The following IL15RA variants were observed in gnomAD, a reference collection of about 807,000 sequenced individuals.
The protein encoded by IL15RA is interleukin-15 receptor subunit alpha.
IL15RA carries 26 observed loss-of-function variants against 24.2 expected under a neutral mutation model. The observed-to-expected ratio is 1.07, with a 90% CI of 0.79 to 1.49. The LOEUF (loss-of-function observed/expected upper bound fraction) is 1.49, where lower values mean the gene tolerates loss of function less well. Among genes scored for constraint, IL15RA ranks in the 40% most tolerant of loss-of-function variants. The probability of loss-of-function intolerance (pLI) is 0.00; values close to 1 mark genes in which losing one functional copy is unlikely to be tolerated. For missense variants in IL15RA, 354 were observed against 356.4 expected, an observed-to-expected ratio of 0.99 and a Z score of 0.05; for synonymous variants, 166 against 157.6, an observed-to-expected ratio of 1.05 and a Z score of -0.40.
Position 5,961,540 on chromosome 10 carries a change from G to A in IL15RA, c.383-973C>T, listed in dbSNP as rs1448932156. Among the ~76,000 whole-genome samples the A allele has an allele frequency of 1.3e-5, 2 of 152,250 alleles. No individual in the cohort carries two copies. The highest frequency in any genetic ancestry group is 6.5e-5 in the Admixed American group (1 of 15,290). ...GAAGCTGCGCTGGCCGAGGACGCTCGGAGCGGCTGCGTGTGAAACACGGGA... is the reference window on the plus strand; with the variant it reads ...GAAGCTGCGCTGGCCGAGGACGCTCAGAGCGGCTGCGTGTGAAACACGGGA... On this transcript the variant is annotated intron_variant, in intron 3 of 6. Transcript: ENST00000379977. The surrounding 1 kb of genome is among the most constrained non-coding windows in gnomAD (Gnocchi z 5.2).
At chr10:5,956,591 G>A in intron 5 of IL15RA, 137 bp from the exon 6 acceptor site, 3 of 676,656 alleles carry the variant, frequency 4.4e-6, no homozygotes, top group South Asian at 1.7e-5. Context: ...ATTTCTTAAG[G>A]TCCATGCAAT....
intron 5 of IL15RA, among the ~76,000 whole-genome samples, chr10:5,956,821 G>A (rs1564488192): frequency 2.0e-5 from 3 of 152,158 alleles, no homozygotes; most frequent in South Asian, 4.1e-4. Flanking sequence ...TAAAGCCAGG[G>A]TTGAAAAAGC....
chr10:5,957,009 G>C (rs1808541462), intron 5 of IL15RA, among the ~76,000 whole-genome samples: 1 of 146,982 alleles, frequency 6.8e-6, no homozygotes, highest in Admixed American at 6.9e-5. Flanking sequence ...ACCTAGACTG[G>C]AGTGCAGAGG....
At position 5,966,075 on chromosome 10, in the gene IL15RA, G is replaced by A. The variant is rs1836471856; in HGVS notation, c.283+70C>T. 9.1e-7 allele frequency: 1 copy of A among 1,102,916 alleles called. No individual in the cohort carries two copies. Among genetic ancestry groups the A allele is most frequent in the Non-Finnish European group, 1.4e-6 (1 of 737,610 alleles). The allele number at this position is 1,102,916 out of a possible 1,614,324, so 68.3% of individuals were successfully genotyped here. On this transcript the variant is annotated intron_variant, in intron 2 of 6. Transcript: ENST00000379977. This position sits in a 1 kb window ranked among gnomAD's most constrained non-coding sequence, Gnocchi z 6.4. Reference sequence around the variant, plus strand: ...GCACAGATCCCTTGACCCCTGAGATGGGGTCTTCTCTCTGTGCAGCCTTGG... The same window carrying A: ...GCACAGATCCCTTGACCCCTGAGATAGGGTCTTCTCTCTGTGCAGCCTTGG...
chr10:5,974,061 G>A (rs940934737), intron 1 of IL15RA, among the ~76,000 whole-genome samples: 32 of 151,724 alleles, frequency 2.1e-4, no homozygotes, highest in Middle Eastern at 3.4e-3. Context: ...GTGCAGTGGC[G>A]CGATCTCTGC....
Position 5,968,735 on chromosome 10 carries a change from G to A in IL15RA, c.89-2396C>T, listed in dbSNP as rs1459413643. 1.0e-5 allele frequency: 7 copies of A among 701,724 alleles called. No individual in the cohort carries two copies. Among genetic ancestry groups the A allele is most frequent in the Non-Finnish European group, 1.8e-5 (7 of 384,486 alleles). The allele number at this position is 701,724 out of a possible 1,614,324, so 43.5% of individuals were successfully genotyped here. A position where few individuals can be genotyped will look rare whatever the true frequency, so the allele number is the denominator to read the frequency against. ...CACAGAGTGTTATTTCTCCACACTT[G>A]CCCACCCCATCCTGCCCTCCATGAT... On this transcript the variant is annotated intron_variant, in intron 1 of 6. Coordinates refer to ENST00000379977, the MANE Select transcript of IL15RA (RefSeq NM_002189.4). The surrounding 1 kb of genome is among the most constrained non-coding windows in gnomAD (Gnocchi z 5.4).
rs979476731 is a variant in IL15RA, at chr10:5,953,378, C to A, written c.693-172G>T. 12 of 714,718 alleles carry A rather than the reference C, an allele frequency of 1.7e-5. No homozygotes were observed. The African/African-American group carries it at 2.1e-4, about 12-fold the overall frequency. 44.3% of individuals were successfully genotyped at this position (714,718 alleles called of 1,614,324 possible). ...CTTAGTCCTCAGAGATGGAGAGAACCTAGAATGCCTACCTCTACCGAGTGT... is the reference window on the plus strand; with the variant it reads ...CTTAGTCCTCAGAGATGGAGAGAACATAGAATGCCTACCTCTACCGAGTGT... On this transcript the variant is annotated intron_variant, in intron 6 of 6. Coordinates refer to ENST00000379977, the MANE Select transcript of IL15RA (RefSeq NM_002189.4). The surrounding 1 kb of genome is among the most constrained non-coding windows in gnomAD (Gnocchi z 5.3).
chr10:5,961,842 T>C lies in IL15RA; in HGVS notation c.383-1275A>G, dbSNP rs1835610097. Among the ~76,000 whole-genome samples, 1 of 152,242 alleles carries C rather than the reference T, an allele frequency of 6.6e-6. No homozygotes were observed. Among genetic ancestry groups the C allele is most frequent in the South Asian group, 2.1e-4 (1 of 4,836 alleles). On this transcript the variant is annotated intron_variant, in intron 3 of 6. Transcript: ENST00000379977. This position sits in a 1 kb window ranked among gnomAD's most constrained non-coding sequence, Gnocchi z 5.2. ...ACGCACTGTTGTTGCCGCGTTCCCA[T>C]GGTCTCCCAGCCACACAGGTCATGA...
rs1836178834 is a variant in IL15RA at position 5,964,590 on chromosome 10, A to C, written c.284-749T>G. On this transcript the variant is annotated intron_variant, in intron 2 of 6. Coordinates refer to ENST00000379977, the MANE Select transcript of IL15RA (RefSeq NM_002189.4). This position sits in a 1 kb window ranked among gnomAD's most constrained non-coding sequence, Gnocchi z 5.6. ...CCTTTGGGCTAGGTGAAACCTAAAGAGGCCTCCAGTCTTTGGACTCTAAAA... is the reference window on the plus strand; with the variant it reads ...CCTTTGGGCTAGGTGAAACCTAAAGCGGCCTCCAGTCTTTGGACTCTAAAA... Among the ~76,000 whole-genome samples the C allele has an allele frequency of 1.3e-5, 2 of 152,202 alleles. No individual in the cohort carries two copies. Among genetic ancestry groups the C allele is most frequent in the Admixed American group, 6.5e-5 (1 of 15,284 alleles).
In IL15RA at chr10:5,977,498, C is replaced by A; in HGVS notation, c.-6G>T. ...CGCGCCCGCCGCGGGGCCATGGCGG[C>A]AGCTCCACAGGACACCGCTGGACTC... On this transcript the variant is annotated 5_prime_UTR_variant, in exon 1 of 7. Transcript: ENST00000379977. The A allele has an allele frequency of 7.4e-7, 1 of 1,350,994 alleles. No homozygotes were observed. Among genetic ancestry groups the A allele is most frequent in the Non-Finnish European group, 9.5e-7 (1 of 1,053,124 alleles). 83.7% of individuals were successfully genotyped at this position (1,350,994 alleles called of 1,614,324 possible). A position where few individuals can be genotyped will look rare whatever the true frequency, so the allele number is the denominator to read the frequency against.
At chr10:5,977,302 GC>G in intron 1 of IL15RA, 102 bp downstream of exon 1, 2 of 479,396 alleles carry the variant, frequency 4.2e-6, no homozygotes, top group Non-Finnish European at 6.6e-6. Flanking sequence ...GGGCACCGAC[GC>G]CCCCGCACGG....
Position 5,968,622 on chromosome 10 carries a change from C to T in IL15RA, c.89-2283G>A, listed in dbSNP as rs1837022261. ...CAGAGCCCCACTGGCTTTGAGGCCT[C>T]TGGTGCTATCTGGTGCTGGAGTGTC... is the stretch of plus-strand genomic sequence containing the variant. On this transcript the variant is annotated intron_variant, in intron 1 of 6. Transcript: ENST00000379977. The surrounding 1 kb of genome is among the most constrained non-coding windows in gnomAD (Gnocchi z 5.4). 3.6e-5 allele frequency: 22 copies of T among 604,830 alleles called. No homozygotes were observed. The South Asian group carries it at 4.1e-4, about 11-fold the overall frequency. 37.5% of individuals were successfully genotyped at this position (604,830 alleles called of 1,614,324 possible). A position where few individuals can be genotyped will look rare whatever the true frequency, so the allele number is the denominator to read the frequency against.
In IL15RA at chr10:5,959,297, G is replaced by C. The variant is rs1256684392; in HGVS notation, c.616+457C>G. Among the ~76,000 whole-genome samples, 1 of 151,794 alleles carries C rather than the reference G, an allele frequency of 6.6e-6. No homozygotes were observed. Among genetic ancestry groups the C allele is most frequent in the Non-Finnish European group, 1.5e-5 (1 of 67,976 alleles). The stretch of plus-strand genomic sequence containing the variant: ...TGGGATTACAGGTGTGAGCCACCAT[G>C]CCTGGCCAAGAGTAGCATTTTATAC... On this transcript the variant is annotated intron_variant, in intron 5 of 6. Transcript: ENST00000379977. This position sits in a 1 kb window ranked among gnomAD's most constrained non-coding sequence, Gnocchi z 4.1.
In IL15RA at chr10:5,963,763, C is replaced by T; in HGVS notation, c.362G>A (p.Ser121Asn). 7 of 1,522,076 alleles carry T rather than the reference C, an allele frequency of 4.6e-6. No individual in the cohort carries two copies. Among genetic ancestry groups the T allele is most frequent in the Non-Finnish European group, 6.1e-6 (7 of 1,147,306 alleles). The allele number at this position is 1,522,076 out of a possible 1,614,324, so 94.3% of individuals were successfully genotyped here. The change falls in exon 3 of 7, where the codon AGC becomes AAC. Residue 121 changes from serine to asparagine, a missense_variant. By Grantham distance (46) the Ser-to-Asn change is conservative (BLOSUM62 1). Transcript: ENST00000379977. This position sits in a 1 kb window ranked among gnomAD's most constrained non-coding sequence, Gnocchi z 5.3. ...CCTACCTTTTCCAGAAGGGGAGAGG[C>T]TCTCTGGCTGTGGGGTCACCCCTGC... ...TTAGVTPQPE[S>N]LSPSGKEPAA...
downstream of IL15RA, among the ~76,000 whole-genome samples, chr10:5,951,158 AAAAAAAAAAAAAAAAT>A (rs1165481687): frequency 6.7e-6 from 1 of 148,594 alleles, no homozygotes; most frequent in African/African-American, 2.5e-5. Context: ...AAAAAAAAAA[AAAAAAAAAAAAAAAAT>A]ATTAGCCAGG....
Position 5,955,454 on chromosome 10 carries a change from A to G in IL15RA, c.692+925T>C, listed in dbSNP as rs1237578985. 2.0e-5 allele frequency among the ~76,000 whole-genome samples: 3 copies of G among 152,188 alleles called. No homozygotes were observed. The highest frequency in any genetic ancestry group is 4.4e-5 in the Non-Finnish European group (3 of 68,030). ...ATTTAGAAAAGAATGTTTTATAACT[A>G]TTAATAGTAACTAAAAGTTTAGTTT... On this transcript the variant is annotated intron_variant, in intron 6 of 6. Transcript: ENST00000379977. The surrounding 1 kb of genome is among the most constrained non-coding windows in gnomAD (Gnocchi z 5.3).
Position 5,964,901 on chromosome 10 carries a change from T to C in IL15RA, c.284-1060A>G, listed in dbSNP as rs1216118780. Among the ~76,000 whole-genome samples, 1 of 152,214 alleles carries C rather than the reference T, an allele frequency of 6.6e-6. No individual in the cohort carries two copies. The highest frequency in any genetic ancestry group is 1.5e-5 in the Non-Finnish European group (1 of 68,038). The stretch of plus-strand genomic sequence containing the variant: ...GGGTGCTGTGTCCCCAGCGAGTGAT[T>C]TCTTGGAACAAGTCGGAGGCTTCCT... On this transcript the variant is annotated intron_variant, in intron 2 of 6. Transcript: ENST00000379977. This position sits in a 1 kb window ranked among gnomAD's most constrained non-coding sequence, Gnocchi z 5.6.
At position 5,967,435 on chromosome 10, in the gene IL15RA, C is replaced by T. The variant is rs953525524; in HGVS notation, c.89-1096G>A. 6.6e-6 allele frequency among the ~76,000 whole-genome samples: 1 copy of T among 151,766 alleles called. No homozygotes were observed. The highest frequency in any genetic ancestry group is 1.5e-5 in the Non-Finnish European group (1 of 67,920). On this transcript the variant is annotated intron_variant, in intron 1 of 6. Coordinates refer to ENST00000379977, the MANE Select transcript of IL15RA (RefSeq NM_002189.4). This position sits in a 1 kb window ranked among gnomAD's most constrained non-coding sequence, Gnocchi z 4.4. ...GGCCAGGATGGCCTTGATCTCTTGA[C>T]CTTGTGATCATCCCGCTTTGGCCTC... is the stretch of plus-strand genomic sequence containing the variant.
chr10:5,961,959 C>T lies in IL15RA; in HGVS notation c.383-1392G>A, dbSNP rs1480540720. 2.0e-5 allele frequency among the ~76,000 whole-genome samples: 3 copies of T among 152,200 alleles called. No individual in the cohort carries two copies. Among genetic ancestry groups the T allele is most frequent in the Non-Finnish European group, 2.9e-5 (2 of 68,022 alleles). On this transcript the variant is annotated intron_variant, in intron 3 of 6. Transcript: ENST00000379977. This position sits in a 1 kb window ranked among gnomAD's most constrained non-coding sequence, Gnocchi z 5.2. ...ATGCTCCAGGGCTCCCTGCACAGGA[C>T]GCACCAAGGCATCCTCAGCCAAGTG...
Sources: allele counts gnomAD v4.1 joint callset (sites outside exome capture counted in the v4.1 genomes callset), GRCh38; gene constraint gnomAD v4.1.1; non-coding constraint Gnocchi (gnomAD v3.1); transcripts MANE v1.5; gene names NCBI Gene and HGNC (gene_info 2026-07-23, HGNC 2026-07-21).